The following SCNN1G variants were observed in gnomAD, a reference collection of about 807,000 sequenced individuals.
SCNN1G encodes sodium channel epithelial 1 subunit gamma.
A neutral mutation model predicts 64.6 loss-of-function variants in SCNN1G; 27 were observed. The observed-to-expected ratio is 0.42, with a 90% CI of 0.31 to 0.58. The LOEUF (loss-of-function observed/expected upper bound fraction) is 0.58, where lower values mean the gene tolerates loss of function less well. Among genes scored for constraint, SCNN1G ranks in the 20% least tolerant of loss-of-function variants. The pLI is 0.18. For synonymous variants in SCNN1G, 330 were observed against 314.2 expected (o/e 1.05, Z -0.53); for missense variants, 743 against 823.4 (o/e 0.90, Z 1.19).
At chr16:23,204,486 C>T (rs1222305624) in intron 6 of SCNN1G, among the ~76,000 whole-genome samples, 2 of 145,842 alleles carry the variant, frequency 1.4e-5, no homozygotes, top group African/African-American at 2.5e-5. Context: ...TGACACCTCT[C>T]TCCTTTATGA....
intron 11 of SCNN1G, among the ~76,000 whole-genome samples, chr16:23,213,754 G>A (rs1960119014): frequency 6.6e-6 from 1 of 152,200 alleles, no homozygotes. Flanking sequence ...TAGGTGCCAG[G>A]TGCTGTGTGA....
At chr16:23,194,059 ATC>A (rs1959755162) in intron 4 of SCNN1G, 110 bp from the exon 5 acceptor site, 1 of 772,298 alleles carries the variant, frequency 1.3e-6, no homozygotes, top group East Asian at 2.5e-5. Flanking sequence ...AATGAGTCAC[ATC>A]TCTCACACAT....
chr16:23,210,729 C>T (rs1316662105), intron 7 of SCNN1G, among the ~76,000 whole-genome samples: 2 of 152,210 alleles, frequency 1.3e-5, no homozygotes, highest in East Asian at 1.9e-4. Context: ...GGTGTAGACA[C>T]TGAGTAAAAG....
chr16:23,199,853 A>G (rs72774317), intron 6 of SCNN1G, among the ~76,000 whole-genome samples: 52,938 of 150,522 alleles, frequency 0.35, 9,885 homozygotes, highest in East Asian at 0.71. Context: ...TTGTATTTTT[A>G]GTAGAGACAG....
intron 11 of SCNN1G, 69 bp from the exon 12 acceptor site, chr16:23,214,643 C>G: frequency 8.1e-7 from 1 of 1,241,914 alleles, no homozygotes; most frequent in South Asian, 1.2e-5. Flanking sequence ...AGGAGGGAGA[C>G]AGCCATGCTG....
chr16:23,209,478 A>G (rs1350013517), intron 6 of SCNN1G, among the ~76,000 whole-genome samples: 1 of 152,168 alleles, frequency 6.6e-6, no homozygotes, highest in Non-Finnish European at 1.5e-5. Flanking sequence ...TATCTTGTTT[A>G]TTTATTTGCT....
At chr16:23,204,322 TATATATATATATAGAGAGAG>T (rs1255175869) in intron 6 of SCNN1G, among the ~76,000 whole-genome samples, 7 of 75,362 alleles carry the variant, frequency 9.3e-5, no homozygotes, top group South Asian at 5.3e-4. Context: ...TATATATATA[TATATATATATATAGAGAGAG>T]AGAGAGAGAG....
rs746415251 is a variant in SCNN1G, at chr16:23,212,718, A to G, written c.1335A>G (p.Glu445=). 6.2e-7 allele frequency: 1 copy of G among 1,614,186 alleles called. No individual in the cohort carries two copies. ...AACTGCATCGAGCCTTTGTCCAGGA[A>G]GAGCTGGGCTGCCAGTCTGTGTGCA... The part of the protein sequence containing the change: ...YYQLHRAFVQ[E]ELGCQSVCKE... The change falls in exon 9 of 13, where the codon GAA becomes GAG. Residue 445 remains glutamate (E), a synonymous_variant. Coordinates refer to ENST00000300061, the MANE Select transcript of SCNN1G (RefSeq NM_001039.4).
At chr16:23,209,164 G>A (rs1960039630) in intron 6 of SCNN1G, among the ~76,000 whole-genome samples, 1 of 152,048 alleles carries the variant, frequency 6.6e-6, no homozygotes, top group Admixed American at 6.6e-5. Context: ...GTCTCACTCT[G>A]TTGCCCAGGC....
chr16:23,200,987 G>T (rs1959879427), intron 6 of SCNN1G, among the ~76,000 whole-genome samples: 1 of 152,240 alleles, frequency 6.6e-6, no homozygotes, highest in African/African-American at 2.4e-5. Flanking sequence ...TAGGGGCTTT[G>T]TTCCAGCATG....
At chr16:23,208,906 C>T in intron 6 of SCNN1G, among the ~76,000 whole-genome samples, 1 of 151,924 alleles carries the variant, frequency 6.6e-6, no homozygotes, top group Non-Finnish European at 1.5e-5. Context: ...CTGGCCCCTG[C>T]TCATCTTTCT....
chr16:23,187,560 C>T (rs375681394), intron 2 of SCNN1G, among the ~76,000 whole-genome samples: 1 of 152,304 alleles, frequency 6.6e-6, no homozygotes, highest in South Asian at 2.1e-4. Flanking sequence ...TCTGCATCTG[C>T]ACCCCTGGCT....
At chr16:23,193,202 T>A in intron 4 of SCNN1G, among the ~76,000 whole-genome samples, 1 of 151,482 alleles carries the variant, frequency 6.6e-6, no homozygotes, top group African/African-American at 2.4e-5. Context: ...TACTGATGAC[T>A]AAGAACCATC....
chr16:23,198,314 A>G (rs1325436867), intron 6 of SCNN1G, among the ~76,000 whole-genome samples: 1 of 152,202 alleles, frequency 6.6e-6, no homozygotes, highest in Non-Finnish European at 1.5e-5. Flanking sequence ...CAAGATGAAG[A>G]GTGGACTCTG....
intron 6 of SCNN1G, among the ~76,000 whole-genome samples, chr16:23,206,160 G>GT (rs1959986969): frequency 1.3e-4 from 1 of 7,600 alleles, no homozygotes; most frequent in Admixed American, 2.6e-3. Context: ...TGGCAAGACA[G>GT]CAATCTTTCT....
chr16:23,206,268 G>A (rs1388347542), intron 6 of SCNN1G, among the ~76,000 whole-genome samples: 1 of 152,216 alleles, frequency 6.6e-6, no homozygotes, highest in Non-Finnish European at 1.5e-5. Context: ...AGCTTGGCTG[G>A]ACTGACCACC....
intron 6 of SCNN1G, among the ~76,000 whole-genome samples, chr16:23,206,906 TAGA>T (rs2141941434): frequency 6.6e-6 from 1 of 152,172 alleles, no homozygotes; most frequent in Non-Finnish European, 1.5e-5. Flanking sequence ...GGGGTCAGGA[TAGA>T]AGTCAAAATG....
intron 6 of SCNN1G, among the ~76,000 whole-genome samples, chr16:23,197,915 G>A (rs1959824300): frequency 6.6e-6 from 1 of 152,030 alleles, no homozygotes; most frequent in African/African-American, 2.4e-5. Flanking sequence ...TGGATTAATA[G>A]GACAGGGTGC....
In SCNN1G at chr16:23,215,330, C is replaced by A; in HGVS notation, c.1811C>A (p.Thr604Asn). 6.2e-7 allele frequency: 1 copy of A among 1,614,184 alleles called. No individual in the cohort carries two copies. ...CTGGATATAGACGATGACCTACCCACTTTCAACTCTGCTTTGCACCTGCCT... is the reference window on the plus strand; with the variant it reads ...CTGGATATAGACGATGACCTACCCAATTTCAACTCTGCTTTGCACCTGCCT... ...PALDIDDDLPTFNSALHLPPA... is the reference protein window; with the variant it reads ...PALDIDDDLPNFNSALHLPPA... Residue 604 changes from threonine to asparagine, a missense_variant, in exon 13 of 13, where the codon ACT (threonine) becomes AAT (asparagine). By Grantham distance (65) the Thr-to-Asn change is moderately conservative. Transcript: ENST00000300061.
Sources: allele counts gnomAD v4.1 joint callset (sites outside exome capture counted in the v4.1 genomes callset), GRCh38; gene constraint gnomAD v4.1.1; transcripts MANE v1.5; gene names NCBI Gene and HGNC (gene_info 2026-07-23, HGNC 2026-07-21).